IRX3: variants seen among roughly 807,000 people sequenced by gnomAD.
IRX3 encodes iroquois-class homeodomain protein IRX-3.
A neutral mutation model predicts 36.4 loss-of-function variants in IRX3; 20 were observed. The observed-to-expected ratio is 0.55, with a 90% confidence interval of 0.39 to 0.80. The LOEUF (loss-of-function observed/expected upper bound fraction) is 0.80. Among genes scored for constraint, IRX3 ranks in the 30% least tolerant of loss-of-function variants. The pLI, the probability that IRX3 is intolerant of heterozygous loss-of-function variation, is 0.00. For synonymous variants in IRX3, 404 were observed against 351.6 expected, an observed-to-expected ratio of 1.15 and a Z score of -1.67; for missense variants, 718 against 733.2, an observed-to-expected ratio of 0.98 and a Z score of 0.24.
rs1308846828 is a variant in IRX3 at position 54,286,237 on chromosome 16, G to T, written c.-187C>A. 4 of 969,236 alleles carry T rather than the reference G, an allele frequency of 4.1e-6. No homozygotes were observed. The East Asian group carries it at 4.2e-4, about 101-fold the overall frequency. The allele number at this position is 969,236 out of a possible 1,614,324, so 60.0% of individuals were successfully genotyped here. On this transcript the variant is annotated 5_prime_UTR_variant, in exon 1 of 4. Transcript: ENST00000329734. ...CGGCGGCGACGGCGGCGGCGAGGGC[G>T]GCGGCGAGGAGCCAGGTCAGGTCCG...
In IRX3 at chr16:54,285,848, G is replaced by A. The variant is rs1289455777; in HGVS notation, c.203C>T (p.Ala68Val). 3.2e-6 allele frequency: 5 copies of A among 1,545,072 alleles called. No individual in the cohort carries two copies. The highest frequency in any genetic ancestry group is 1.2e-5 in the South Asian group (1 of 83,840). ...GAAGGCGCCGTAGCCTTGGGCGGCG[G>A]CGGCCGCAGCGGCCGCGGCGTAGGG... ...GAPYAAAAAAAAAQGYGAFLP... is the reference protein window; with the variant it reads ...GAPYAAAAAAVAAQGYGAFLP... Residue 68 changes from alanine (A) to valine (V), a missense_variant, in exon 1 of 4, where the codon GCC (alanine) becomes GTC (valine). This residue lies in a region of IRX3 where 204 missense variants were observed against 181.4 expected (regional missense o/e 1.12). Coordinates refer to ENST00000329734, the MANE Select transcript of IRX3 (RefSeq NM_024336.3). The surrounding 1 kb of genome is among the most constrained non-coding windows in gnomAD (Gnocchi z 5.7).
rs945298586 is a variant in IRX3 at position 54,284,756 on chromosome 16, C to T, written c.1125G>A (p.Gly375=). Residue 375 remains glycine (G), a synonymous_variant, in exon 2 of 4, where the codon GGG becomes GGA. Coordinates refer to ENST00000329734, the MANE Select transcript of IRX3 (RefSeq NM_024336.3). This position sits in a 1 kb window ranked among gnomAD's most constrained non-coding sequence, Gnocchi z 4.0. ...SPPGAGGSPP[G]AAVAPSALQL... The stretch of plus-strand genomic sequence containing the variant: ...GCAGGGCGGAAGGCGCGACCGCTGC[C>T]CCCGGTGGAGACCCCCCCGCGCCGG... 2.1e-6 allele frequency: 3 copies of T among 1,462,294 alleles called. No individual in the cohort carries two copies. The African/African-American group carries it at 4.5e-5, about 22-fold the overall frequency. 90.6% of individuals were successfully genotyped at this position (1,462,294 alleles called of 1,614,324 possible). A position where few individuals can be genotyped will look rare whatever the true frequency, so the allele number is the denominator to read the frequency against.
chr16:54,283,537 C>T lies in IRX3; in HGVS notation c.*149G>A. 1.2e-5 allele frequency: 7 copies of T among 563,858 alleles called. No individual in the cohort carries two copies. The highest frequency in any genetic ancestry group is 1.9e-5 in the Non-Finnish European group (6 of 309,274). The allele number at this position is 563,858 out of a possible 1,614,324, so 34.9% of individuals were successfully genotyped here. On this transcript the variant is annotated 3_prime_UTR_variant, in exon 4 of 4. Transcript: ENST00000329734. This position sits in a 1 kb window ranked among gnomAD's most constrained non-coding sequence, Gnocchi z 4.4. ...GGGCTGAGGAGGACTGGTTTTATTT[C>T]TTTTTCTTACTTTCTTTGTTTAGTT... is the stretch of plus-strand genomic sequence containing the variant.
chr16:54,284,300 G>A lies in IRX3; in HGVS notation c.1397C>T (p.Ala466Val). ...GAGTAACTTTTTCTCCACTTCCAAG[G>A]CACTACAGCGATCTAAGGGAAGCGG... is the stretch of plus-strand genomic sequence containing the variant. ...EPEGGTDRCS[A>V]LEVEKKLLKT... Residue 466 changes from alanine (A) to valine (V), a missense_variant, in exon 3 of 4, where the codon GCC becomes GTC. This residue lies in a region of IRX3 where 468 missense variants were observed against 462.1 expected (regional missense o/e 1.01). Transcript: ENST00000329734. This position sits in a 1 kb window ranked among gnomAD's most constrained non-coding sequence, Gnocchi z 4.0. 1 of 1,610,442 alleles carries A rather than the reference G, an allele frequency of 6.2e-7. No homozygotes were observed. The highest frequency in any genetic ancestry group is 8.5e-7 in the Non-Finnish European group (1 of 1,178,338).
Position 54,284,712 on chromosome 16 carries a change from G to A in IRX3, c.1169C>T (p.Ala390Val), listed in dbSNP as rs1196761887. The change falls in exon 2 of 4, where the codon GCC (alanine) becomes GTC (valine). Residue 390 changes from alanine (A) to valine (V), a missense_variant. Ala to Val is a moderately conservative substitution (Grantham distance 64). Around this residue, in one of 3 missense-constraint regions of IRX3, gnomAD observed 468 missense variants for 462.1 expected, o/e 1.01. Transcript: ENST00000329734. This position sits in a 1 kb window ranked among gnomAD's most constrained non-coding sequence, Gnocchi z 4.0. ...GACCAGTCTGTGAGCGGCGGCGGCG[G>A]CGGCGGCCGGAGAGAGCTGCAGGGC... ...PSALQLSPAA[A>V]AAAAHRLVSA... 1 of 1,428,500 alleles carries A rather than the reference G, an allele frequency of 7.0e-7. No homozygotes were observed. Among genetic ancestry groups the A allele is most frequent in the Non-Finnish European group, 9.1e-7 (1 of 1,104,050 alleles). 88.5% of individuals were successfully genotyped at this position (1,428,500 alleles called of 1,614,324 possible).
Position 54,284,615 on chromosome 16 carries a change from CA to C in IRX3, c.1265del (p.Leu422ArgfsTer101). Reference sequence around the variant, plus strand: ...CAGAGCCCAGCAGGGAGAGCGGGTGCAGGCGGGGGCCGGGCGGTGGGCCTGG... The same window carrying C: ...CAGAGCCCAGCAGGGAGAGCGGGTGCGGCGGGGGCCGGGCGGTGGGCCTGG... ...PFPGPPPGPRLHPLSLLGSAP... is the reference protein window; with the variant it reads ...PFPGPPPGPRXHPLSLLGSAP... On this transcript the variant is annotated frameshift_variant, in exon 2 of 4. Coordinates refer to ENST00000329734, the MANE Select transcript of IRX3 (RefSeq NM_024336.3). LOFTEE classifies it high-confidence loss of function. The surrounding 1 kb of genome is among the most constrained non-coding windows in gnomAD (Gnocchi z 4.0). 2 of 1,371,548 alleles carry C rather than the reference CA, an allele frequency of 1.5e-6. No homozygotes were observed. The highest frequency in any genetic ancestry group is 1.9e-6 in the Non-Finnish European group (2 of 1,072,128). The allele number at this position is 1,371,548 out of a possible 1,614,324, so 85.0% of individuals were successfully genotyped here. A position where few individuals can be genotyped will look rare whatever the true frequency, so the allele number is the denominator to read the frequency against.
In IRX3 at chr16:54,286,255, C is replaced by G; in HGVS notation, c.-205G>C. On this transcript the variant is annotated 5_prime_UTR_variant, in exon 1 of 4. The change abolishes the stop of an existing upstream ORF in the 5' untranslated region. Transcript: ENST00000329734. ...CGAGGGCGGCGGCGAGGAGCCAGGT[C>G]AGGTCCGAACAGATTGGCGGAGATT... 1 of 1,006,794 alleles carries G rather than the reference C, an allele frequency of 9.9e-7. No individual in the cohort carries two copies. Among genetic ancestry groups the G allele is most frequent in the Non-Finnish European group, 1.2e-6 (1 of 844,516 alleles). The allele number at this position is 1,006,794 out of a possible 1,614,324, so 62.4% of individuals were successfully genotyped here.
At position 54,284,877 on chromosome 16, in the gene IRX3, G is replaced by A. The variant is rs1163012658; in HGVS notation, c.1004C>T (p.Ala335Val). The change falls in exon 2 of 4, where the codon GCT becomes GTT. Residue 335 changes from alanine (A) to valine (V), a missense_variant. Ala to Val is a moderately conservative substitution (Grantham distance 64). Coordinates refer to ENST00000329734, the MANE Select transcript of IRX3 (RefSeq NM_024336.3). This position sits in a 1 kb window ranked among gnomAD's most constrained non-coding sequence, Gnocchi z 4.0. ...GGCGGAGGCGGGGGCTGGTGCGGGA[G>A]CGCAGGGGTCCAGGCTCACGGGGGG... ...PSPPVSLDPC[A>V]PAPAPASALQ... is the part of the protein sequence containing the mutation. The A allele has an allele frequency of 6.4e-7, 1 of 1,553,646 alleles. No homozygotes were observed.
Position 54,285,945 on chromosome 16 carries a change from G to A in IRX3, c.106C>T (p.Leu36=). 1.4e-6 allele frequency: 2 copies of A among 1,431,316 alleles called. No homozygotes were observed. The highest frequency in any genetic ancestry group is 3.0e-5 in the Admixed American group (1 of 33,062). The allele number at this position is 1,431,316 out of a possible 1,614,324, so 88.7% of individuals were successfully genotyped here. The stretch of plus-strand genomic sequence containing the variant: ...TTCAGCTCCGAGGCTCCGGCACCCA[G>A]GCCGCCCCGGGCCCCCGCGCTGCCG... ...SGGSAGARGG[L]GAGASELNAS... is the part of the protein sequence containing the mutation. The change falls in exon 1 of 4, where the codon CTG becomes TTG. Residue 36 remains leucine, a synonymous_variant. Transcript: ENST00000329734. This position sits in a 1 kb window ranked among gnomAD's most constrained non-coding sequence, Gnocchi z 5.7.
In IRX3 at chr16:54,286,343, G is replaced by T. The variant is rs1209832171; in HGVS notation, c.-293C>A. On this transcript the variant is annotated 5_prime_UTR_variant, in exon 1 of 4. Transcript: ENST00000329734. ...CGCAAGCCCCTCCTCTCTGCGCCGC[G>T]CTCCCTCCTCTCGGCCGCCGGAGCT... 30 of 989,322 alleles carry T rather than the reference G, an allele frequency of 3.0e-5. No individual in the cohort carries two copies. The highest frequency in any genetic ancestry group is 3.6e-5 in the Non-Finnish European group (30 of 832,874). The allele number at this position is 989,322 out of a possible 1,614,324, so 61.3% of individuals were successfully genotyped here.
Position 54,283,871 on chromosome 16 carries a change from T to G in IRX3, c.1452-131A>C. 6.6e-7 allele frequency: 1 copy of G among 1,522,094 alleles called. No individual in the cohort carries two copies. Among genetic ancestry groups the G allele is most frequent in the Non-Finnish European group, 8.8e-7 (1 of 1,133,038 alleles). The allele number at this position is 1,522,094 out of a possible 1,614,324, so 94.3% of individuals were successfully genotyped here. On this transcript the variant is annotated intron_variant, in intron 3 of 3. Transcript: ENST00000329734. This position sits in a 1 kb window ranked among gnomAD's most constrained non-coding sequence, Gnocchi z 4.4. The stretch of plus-strand genomic sequence containing the variant: ...GTCGCAATGTAAAATTATGTCCAGT[T>G]GTAGATGTGTGTGTTGGGGTTTAAC...
Position 54,285,440 on chromosome 16 carries a change from G to C in IRX3, c.441C>G (p.Asn147Lys). The C allele has an allele frequency of 3.7e-6, 6 of 1,614,120 alleles. No individual in the cohort carries two copies. Among genetic ancestry groups the C allele is most frequent in the Non-Finnish European group, 5.1e-6 (6 of 1,180,046 alleles). ...TGGGGTAGGGGTTCTTGCGGTGCTC[G>C]TTGAGCCAGGCCTTCAGCGTGCTGG... ...ESTSTLKAWLNEHRKNPYPTK... is the reference protein window; with the variant it reads ...ESTSTLKAWLKEHRKNPYPTK... The change falls in exon 2 of 4, where the codon AAC (asparagine) becomes AAG (lysine). Residue 147 changes from asparagine (N) to lysine (K), a missense_variant. Asn to Lys is a moderately conservative substitution (Grantham distance 94, BLOSUM62 0). Transcript: ENST00000329734. The surrounding 1 kb of genome is among the most constrained non-coding windows in gnomAD (Gnocchi z 5.7).
Position 54,284,569 on chromosome 16 carries a change from G to C in IRX3, c.1312C>G (p.Leu438Val). The C allele has an allele frequency of 1.4e-6, 2 of 1,411,048 alleles. No homozygotes were observed. Among genetic ancestry groups the C allele is most frequent in the Non-Finnish European group, 1.8e-6 (2 of 1,094,948 alleles). The allele number at this position is 1,411,048 out of a possible 1,614,324, so 87.4% of individuals were successfully genotyped here. Residue 438 changes from leucine to valine, a missense_variant, in exon 2 of 4, where the codon CTT becomes GTT. Physicochemically the swap from Leu to Val is conservative, Grantham distance 32. Transcript: ENST00000329734. This position sits in a 1 kb window ranked among gnomAD's most constrained non-coding sequence, Gnocchi z 4.0. The stretch of plus-strand genomic sequence containing the variant: ...GCCGGGTGGCCCGCGGCTCCGGGAA[G>C]TCCCAGCAGGTGCGGAGGGGCAGAG... ...LGSAPPHLLG[L>V]PGAAGHPAAA... is the part of the protein sequence containing the mutation.
Position 54,283,531 on chromosome 16 carries a change from T to TTA in IRX3, c.*153_*154dup, listed in dbSNP as rs1263352238. On this transcript the variant is annotated 3_prime_UTR_variant, in exon 4 of 4. Transcript: ENST00000329734. This position sits in a 1 kb window ranked among gnomAD's most constrained non-coding sequence, Gnocchi z 4.4. ...TGGGGAGGGCTGAGGAGGACTGGTT[T>TTA]TATTTCTTTTTCTTACTTTCTTTGT... The TTA allele has an allele frequency of 2.0e-5, 11 of 556,780 alleles. No individual in the cohort carries two copies. The highest frequency in any genetic ancestry group is 3.3e-5 in the Non-Finnish European group (10 of 305,344). The allele number at this position is 556,780 out of a possible 1,614,324, so 34.5% of individuals were successfully genotyped here.
chr16:54,286,436 C>A lies in IRX3; in HGVS notation c.-386G>T, dbSNP rs954066292. ...GCAGTGTCGCGCCTCGCTTCCTTCGCCCTCCTCTAGTTTTCACTCCCCCTC... is the reference window on the plus strand; with the variant it reads ...GCAGTGTCGCGCCTCGCTTCCTTCGACCTCCTCTAGTTTTCACTCCCCCTC... On this transcript the variant is annotated 5_prime_UTR_variant, in exon 1 of 4. Transcript: ENST00000329734. 708 of 975,896 alleles carry A rather than the reference C, an allele frequency of 7.3e-4. 1 individual carries two copies. Among genetic ancestry groups the A allele is most frequent in the Non-Finnish European group, 8.4e-4 (690 of 821,210 alleles). The allele number at this position is 975,896 out of a possible 1,614,324, so 60.5% of individuals were successfully genotyped here. A position where few individuals can be genotyped will look rare whatever the true frequency, so the allele number is the denominator to read the frequency against.
chr16:54,285,864 C>G lies in IRX3; in HGVS notation c.187G>C (p.Ala63Pro). 12 of 1,540,698 alleles carry G rather than the reference C, an allele frequency of 7.8e-6. No individual in the cohort carries two copies. The highest frequency in any genetic ancestry group is 1.9e-4 in the Middle Eastern group (1 of 5,322). ...LSSVYGAPYA[A>P]AAAAAAAQGY... ...TGGGCGGCGGCGGCCGCAGCGGCCG[C>G]GGCGTAGGGCGCCCCGTACACGGAC... Residue 63 changes from alanine to proline, a missense_variant, in exon 1 of 4, where the codon GCG (alanine) becomes CCG (proline). This residue lies in a region of IRX3 where 204 missense variants were observed against 181.4 expected (regional missense o/e 1.12). Coordinates refer to ENST00000329734, the MANE Select transcript of IRX3 (RefSeq NM_024336.3). This position sits in a 1 kb window ranked among gnomAD's most constrained non-coding sequence, Gnocchi z 5.7.
At position 54,283,863 on chromosome 16, in the gene IRX3, T is replaced by G; in HGVS notation, c.1452-123A>C. ...AGGAAGGTGTCGCAATGTAAAATTA[T>G]GTCCAGTTGTAGATGTGTGTGTTGG... is the stretch of plus-strand genomic sequence containing the variant. On this transcript the variant is annotated intron_variant, in intron 3 of 3. Transcript: ENST00000329734. The surrounding 1 kb of genome is among the most constrained non-coding windows in gnomAD (Gnocchi z 4.4). 6.5e-7 allele frequency: 1 copy of G among 1,538,352 alleles called. No homozygotes were observed.
chr16:54,285,384 A>T lies in IRX3; in HGVS notation c.497T>A (p.Ile166Asn), dbSNP rs140041736. The change falls in exon 2 of 4, where the codon ATC becomes AAC. Residue 166 changes from isoleucine to asparagine, a missense_variant. By Grantham distance (149) the Ile-to-Asn change is moderately radical. Around this residue, in one of 3 missense-constraint regions of IRX3, gnomAD observed 46 missense variants for 89.7 expected, o/e 0.51. Coordinates refer to ENST00000329734, the MANE Select transcript of IRX3 (RefSeq NM_024336.3). The surrounding 1 kb of genome is among the most constrained non-coding windows in gnomAD (Gnocchi z 5.7). Reference protein sequence around the residue: ...TKGEKIMLAIITKMTLTQVST... With the variant: ...TKGEKIMLAINTKMTLTQVST... ...CACCTGGGTGAGGGTCATCTTGGTGATGATGGCCAGCATGATCTTCTCGCC... is the reference window on the plus strand; with the variant it reads ...CACCTGGGTGAGGGTCATCTTGGTGTTGATGGCCAGCATGATCTTCTCGCC... The T allele has an allele frequency of 2.5e-6, 4 of 1,613,920 alleles. No individual in the cohort carries two copies. In the African/African-American group the frequency reaches 5.3e-5, roughly 22 times the overall value.
rs1901245987 is a variant in IRX3 at position 54,284,043 on chromosome 16, G to T, written c.1451+203C>A. 1.6e-6 allele frequency: 2 copies of T among 1,283,486 alleles called. No homozygotes were observed. The highest frequency in any genetic ancestry group is 1.5e-5 in the African/African-American group (1 of 66,614). The allele number at this position is 1,283,486 out of a possible 1,614,324, so 79.5% of individuals were successfully genotyped here. A position where few individuals can be genotyped will look rare whatever the true frequency, so the allele number is the denominator to read the frequency against. On this transcript the variant is annotated intron_variant, in intron 3 of 3. Transcript: ENST00000329734. The surrounding 1 kb of genome is among the most constrained non-coding windows in gnomAD (Gnocchi z 4.0). ...TACAAGCGCTGTACCCTCCGGCCGC[G>T]CCTGGGGTGCCTGGGCTGGACCTGG...
Sources: gnomAD v4.1 joint callset for allele counts on GRCh38, gnomAD v4.1.1 for gene constraint, gnomAD v4.1.1 regional missense constraint, Gnocchi (gnomAD v3.1) non-coding constraint, MANE v1.5 for transcripts, NCBI Gene and HGNC (gene_info 2026-07-23, HGNC 2026-07-21) for gene names.